Variants in ATP6V1B1 observed in about 807,000 individuals in gnomAD.
ATP6V1B1 encodes the protein ATPase H+ transporting V1 subunit B1, also known as V-type proton ATPase subunit B, kidney isoform.
ATP6V1B1 carries 41 observed loss-of-function variants against 62.1 expected under a neutral mutation model. That is an observed-to-expected ratio of 0.66 (90% CI 0.51 to 0.86). ATP6V1B1 has a LOEUF of 0.86. Ranked by LOEUF, ATP6V1B1 falls within the 40% of genes least tolerant of loss-of-function variation. ATP6V1B1 has a pLI of 0.00. For synonymous variants in ATP6V1B1, 253 were observed against 273.4 expected, an observed-to-expected ratio of 0.93 and a Z score of 0.74; for missense variants, 651 against 697.5, an observed-to-expected ratio of 0.93 and a Z score of 0.75.
chr2:70,940,497 T>C, intron 1 of ATP6V1B1: 1 of 985,412 alleles, frequency 1.0e-6, no homozygotes, highest in Non-Finnish European at 1.2e-6. Flanking sequence ...ATCCCTTTGC[T>C]TGCACAATCC....
At chr2:70,943,111 G>A (rs1553416652) in intron 1 of ATP6V1B1, among the ~76,000 whole-genome samples, 1 of 152,134 alleles carries the variant, frequency 6.6e-6, no homozygotes, top group African/African-American at 2.4e-5. Flanking sequence ...AGCCTGGGGA[G>A]TCCAGGAACC....
At chr2:70,950,931 G>GTTTTTTT (rs1680309760) in intron 2 of ATP6V1B1, among the ~76,000 whole-genome samples, 2 of 84,796 alleles carry the variant, frequency 2.4e-5, no homozygotes, top group African/African-American at 1.1e-4. Context: ...ATTTTTTCCT[G>GTTTTTTT]ATTTTTTTTT....
chr2:70,942,582 C>G, intron 1 of ATP6V1B1: 1 of 394,584 alleles, frequency 2.5e-6, no homozygotes, highest in Non-Finnish European at 4.5e-6. Flanking sequence ...AACCGAGAAC[C>G]AGTGTGGTCC....
Position 70,940,446 on chromosome 2 carries a change from C to T in ATP6V1B1, c.119-3212C>T, listed in dbSNP as rs563629694. On this transcript the variant is annotated intron_variant, in intron 1 of 13. Coordinates refer to ENST00000234396, the MANE Select transcript of ATP6V1B1 (RefSeq NM_001692.4). Reference sequence around the variant, plus strand: ...GTGGCATGCAAGATGCCAGCTCTCCCGGGGGCTTATAAAAATGAGGGTCTC... The same window carrying T: ...GTGGCATGCAAGATGCCAGCTCTCCTGGGGGCTTATAAAAATGAGGGTCTC... The T allele has an allele frequency of 1.6e-4, 155 of 985,384 alleles. No homozygotes were observed. The African/African-American group carries it at 2.5e-3, about 16-fold the overall frequency. 61.0% of individuals were successfully genotyped at this position (985,384 alleles called of 1,614,324 possible).
At chr2:70,962,753 C>CT in intron 8 of ATP6V1B1, 24 bp from the exon 9 acceptor site, 5 of 1,612,706 alleles carry the variant, frequency 3.1e-6, no homozygotes, top group Non-Finnish European at 4.2e-6. Flanking sequence ...TCCAGGCTCT[C>CT]TAAACACCTG....
chr2:70,957,141 C>T (rs1477489913), intron 2 of ATP6V1B1, among the ~76,000 whole-genome samples: 1 of 141,986 alleles, frequency 7.0e-6, no homozygotes. Context: ...GGCTGGAGTG[C>T]AGTGGCGTGA....
Position 70,965,333 on chromosome 2 carries a change from A to G in ATP6V1B1, c.*212A>G. The G allele has an allele frequency of 1.5e-6, 1 of 664,518 alleles. No individual in the cohort carries two copies. Among genetic ancestry groups the G allele is most frequent in the South Asian group, 1.9e-5 (1 of 52,082 alleles). The allele number at this position is 664,518 out of a possible 1,614,324, so 41.2% of individuals were successfully genotyped here. A position where few individuals can be genotyped will look rare whatever the true frequency, so the allele number is the denominator to read the frequency against. The stretch of plus-strand genomic sequence containing the variant: ...TCCCCCTCGACTCCCGGTGCTGCGG[A>G]AGAACTGAAGGTTGCGATGCCTTAC... On this transcript the variant is annotated 3_prime_UTR_variant, in exon 14 of 14. Coordinates refer to ENST00000234396, the MANE Select transcript of ATP6V1B1 (RefSeq NM_001692.4).
chr2:70,940,340 A>G, intron 1 of ATP6V1B1: 1 of 726,906 alleles, frequency 1.4e-6, no homozygotes, highest in Non-Finnish European at 1.7e-6. Flanking sequence ...CCCCTCCCAC[A>G]CCCCCACCTC....
chr2:70,953,968 AGT>A (rs1680376695), intron 2 of ATP6V1B1, among the ~76,000 whole-genome samples: 1 of 152,028 alleles, frequency 6.6e-6, no homozygotes, highest in Non-Finnish European at 1.5e-5. Flanking sequence ...TAATATTATC[AGT>A]TTATCTAGTT....
intron 2 of ATP6V1B1, among the ~76,000 whole-genome samples, chr2:70,945,731 T>C (rs1572910583): frequency 2.2e-5 from 3 of 137,904 alleles, no homozygotes; most frequent in Non-Finnish European, 4.6e-5. Flanking sequence ...TATATATATA[T>C]ATATATATAT....
intron 2 of ATP6V1B1, among the ~76,000 whole-genome samples, chr2:70,955,429 A>C (rs1553418900): frequency 6.6e-6 from 1 of 152,188 alleles, no homozygotes; most frequent in East Asian, 1.9e-4. Context: ...ATAAAATTCC[A>C]AAACATTGTC....
intron 2 of ATP6V1B1, among the ~76,000 whole-genome samples, chr2:70,954,852 AG>A (rs66691692): frequency 0.3 from 45,678 of 152,062 alleles, 8,384 homozygotes; most frequent in Non-Finnish European, 0.41. Context: ...AAGTGAGGTG[AG>A]GGAGCCTAGG....
chr2:70,941,165 A>G (rs983260770), intron 1 of ATP6V1B1: 50 of 722,452 alleles, frequency 6.9e-5, no homozygotes, highest in Non-Finnish European at 8.1e-5. Flanking sequence ...TGATCCACCC[A>G]CCTCAGCCTC....
At position 70,964,857 on chromosome 2, in the gene ATP6V1B1, T is replaced by A; in HGVS notation, c.1370T>A (p.Ile457Asn). Residue 457 changes from isoleucine to asparagine, a missense_variant, in exon 13 of 14, where the codon ATC becomes AAC. Transcript: ENST00000234396. ...CTGCAGAAGTTTGAGAAGAACTTCA[T>A]CAATCAGGGTAAGGCGCGTCGCTGG... ...EFLQKFEKNFINQGPYENRSV... is the reference protein window; with the variant it reads ...EFLQKFEKNFNNQGPYENRSV... 1 of 1,614,096 alleles carries A rather than the reference T, an allele frequency of 6.2e-7. No homozygotes were observed. Among genetic ancestry groups the A allele is most frequent in the South Asian group, 1.1e-5 (1 of 91,086 alleles).
Position 70,943,711 on chromosome 2 carries a change from A to C in ATP6V1B1, c.172A>C (p.Lys58Gln), listed in dbSNP as rs1553416813. ...GCCCCTGGTGGTGCTGGACCGGGTC[A>C]AGGTAAGACTCTTCTGCTGCCTCCC... is the stretch of plus-strand genomic sequence containing the variant. The part of the protein sequence containing the change: ...NGPLVVLDRV[K>Q]FAQYAEIVHF... The change falls in exon 2 of 14, where the codon AAG becomes CAG. Residue 58 changes from lysine (K) to glutamine (Q), a missense_variant and splice_region_variant. Coordinates refer to ENST00000234396, the MANE Select transcript of ATP6V1B1 (RefSeq NM_001692.4). The C allele has an allele frequency of 2.1e-5, 34 of 1,613,670 alleles. No homozygotes were observed. Among genetic ancestry groups the C allele is most frequent in the Non-Finnish European group, 2.6e-5 (31 of 1,179,946 alleles).
At position 70,957,632 on chromosome 2, in the gene ATP6V1B1, G is replaced by T. The variant is rs572466394; in HGVS notation, c.175-414G>T. 155 of 323,824 alleles carry T rather than the reference G, an allele frequency of 4.8e-4. 2 individuals are homozygous for T. The highest frequency in any genetic ancestry group is 4.0e-3 in the South Asian group (153 of 37,868). The allele number at this position is 323,824 out of a possible 1,614,324, so 20.1% of individuals were successfully genotyped here. A position where few individuals can be genotyped will look rare whatever the true frequency, so the allele number is the denominator to read the frequency against. ...CATCTTTATTGAGGTTTTACAAAGTGCCAGGCACCATGCTAATGGATCTGC... is the reference window on the plus strand; with the variant it reads ...CATCTTTATTGAGGTTTTACAAAGTTCCAGGCACCATGCTAATGGATCTGC... On this transcript the variant is annotated intron_variant, in intron 2 of 13. Transcript: ENST00000234396.
chr2:70,941,004 C>T, intron 1 of ATP6V1B1: 1 of 740,574 alleles, frequency 1.4e-6, no homozygotes, highest in South Asian at 6.1e-5. Context: ...GCAGCCTCAA[C>T]CTCCCTGGGC....
rs377561198 is a variant in ATP6V1B1 at position 70,963,638 on chromosome 2, A to G, written c.1127A>G (p.Gln376Arg). 1.2e-6 allele frequency: 2 copies of G among 1,614,038 alleles called. No homozygotes were observed. The highest frequency in any genetic ancestry group is 1.3e-5 in the African/African-American group (1 of 74,930). Residue 376 changes from glutamine to arginine, a missense_variant, in exon 11 of 14, where the codon CAG (glutamine) becomes CGG (arginine). Coordinates refer to ENST00000234396, the MANE Select transcript of ATP6V1B1 (RefSeq NM_001692.4). The surrounding 1 kb of genome is among the most constrained non-coding windows in gnomAD (Gnocchi z 4.3). ...ITEGQIYVDR[Q>R]LHNRQIYPPI... is the part of the protein sequence containing the mutation. ...GAGGGACAGATCTACGTGGACAGAC[A>G]GCTTCACAACAGACAGGTACTGCCC...
rs1680515946 is a variant in ATP6V1B1, at chr2:70,959,017, G to A, written c.368-1G>A. On this transcript the variant is annotated splice_acceptor_variant, in intron 4 of 13. Transcript: ENST00000234396. LOFTEE classifies it high-confidence loss of function. This position sits in a 1 kb window ranked among gnomAD's most constrained non-coding sequence, Gnocchi z 4.2. The stretch of plus-strand genomic sequence containing the variant: ...CTGCAACACTCCTCGTCCACCCTCA[G>A]GTCGGGTTTTCAATGGCTCCGGCAA... 1 of 1,614,124 alleles carries A rather than the reference G, an allele frequency of 6.2e-7. No homozygotes were observed. Among genetic ancestry groups the A allele is most frequent in the Non-Finnish European group, 8.5e-7 (1 of 1,180,002 alleles).
Sources: gnomAD v4.1 joint callset for allele counts (sites outside exome capture counted in the v4.1 genomes callset) on GRCh38, gnomAD v4.1.1 for gene constraint, Gnocchi (gnomAD v3.1) non-coding constraint, MANE v1.5 for transcripts, NCBI Gene and HGNC (gene_info 2026-07-23, HGNC 2026-07-21) for gene names.